The following NOS1 variants were observed in gnomAD, a reference collection of about 807,000 sequenced individuals.
NOS1 encodes nitric oxide synthase 1.
A neutral mutation model predicts 164.5 loss-of-function variants in NOS1; 51 were observed. The observed-to-expected ratio is 0.31, with a 90% confidence interval of 0.25 to 0.39. The LOEUF is 0.39. Among genes scored for constraint, NOS1 ranks in the 10% least tolerant of loss-of-function variants. The pLI is 1.00. For missense variants in NOS1, 1,362 were observed against 1,885.6 expected (o/e 0.72, Z 5.14); for synonymous variants, 719 against 745.8 (o/e 0.96, Z 0.59).
Position 117,330,610 on chromosome 12 carries a change from C to T in NOS1, c.460G>A (p.Gly154Ser), listed in dbSNP as rs755417186. 3 of 1,611,632 alleles carry T rather than the reference C, an allele frequency of 1.9e-6. No homozygotes were observed. The highest frequency in any genetic ancestry group is 2.5e-6 in the Non-Finnish European group (3 of 1,178,628). ...GCATGCTGAGGCCCATTCCCGGGAC[C>T]CGAGGCCCCATCCACTGCCAGGGGC... is the stretch of plus-strand genomic sequence containing the variant. ...EQPLAVDGAS[G>S]PGNGPQHAYD... The change falls in exon 2 of 29, where the codon GGT becomes AGT. Residue 154 changes from glycine (G) to serine (S), a missense_variant. By Grantham distance (56) the Gly-to-Ser change is moderately conservative. Transcript: ENST00000317775. The surrounding 1 kb of genome is among the most constrained non-coding windows in gnomAD (Gnocchi z 4.6).
intron 9 of NOS1, among the ~76,000 whole-genome samples, chr12:117,276,414 C>G (rs1873184075): frequency 1.3e-5 from 2 of 152,180 alleles, no homozygotes; most frequent in African/African-American, 4.8e-5. Flanking sequence ...TCCCAAGTAG[C>G]TGGGATTACA....
chr12:117,226,444 A>G (rs1868681782), intron 24 of NOS1, among the ~76,000 whole-genome samples: 1 of 152,116 alleles, frequency 6.6e-6, no homozygotes, highest in Non-Finnish European at 1.5e-5. Context: ...CTAGCCCAGT[A>G]CACGCCCAAA....
rs1956513090 is a variant in NOS1 at position 117,210,653 on chromosome 12, T to A, written c.*4656A>T. On this transcript the variant is annotated 3_prime_UTR_variant, in exon 29 of 29. Transcript: ENST00000317775. Reference sequence around the variant, plus strand: ...TATTAGGACCATTTGCCCTATGAGCTAGGTCAGGACACCTCTCACTTGTTT... The same window carrying A: ...TATTAGGACCATTTGCCCTATGAGCAAGGTCAGGACACCTCTCACTTGTTT... The A allele has an allele frequency of 1.0e-6, 1 of 985,370 alleles. No individual in the cohort carries two copies. Among genetic ancestry groups the A allele is most frequent in the Admixed American group, 6.1e-5 (1 of 16,266 alleles). The allele number at this position is 985,370 out of a possible 1,614,324, so 61.0% of individuals were successfully genotyped here. A position where few individuals can be genotyped will look rare whatever the true frequency, so the allele number is the denominator to read the frequency against.
At chr12:117,223,185 G>C (rs1192125451) in intron 25 of NOS1, among the ~76,000 whole-genome samples, 1 of 152,000 alleles carries the variant, frequency 6.6e-6, no homozygotes, top group Non-Finnish European at 1.5e-5. Context: ...CTGATGCCCA[G>C]ACTCTGGGCC....
intron 14 of NOS1, among the ~76,000 whole-genome samples, chr12:117,259,865 A>G (rs1456853505): frequency 6.6e-6 from 1 of 152,110 alleles, no homozygotes; most frequent in Non-Finnish European, 1.5e-5. Context: ...CACGCCTGTA[A>G]TCCCAGCACT....
chr12:117,223,040 C>T (rs9658520), intron 25 of NOS1, among the ~76,000 whole-genome samples, 177 bp from the exon 26 acceptor site: 1,777 of 152,262 alleles, frequency 0.012, 31 homozygotes, highest in African/African-American at 0.041. Context: ...CTCACATGCA[C>T]GCACATGCAC....
intron 20 of NOS1, among the ~76,000 whole-genome samples, chr12:117,241,576 A>T (rs559129550): frequency 2.0e-4 from 30 of 151,984 alleles, no homozygotes; most frequent in African/African-American, 6.7e-4. Context: ...ACTTGAAAAG[A>T]TCTTCTGCTG....
chr12:117,285,510 T>C (rs1200679094), intron 6 of NOS1, among the ~76,000 whole-genome samples, 178 bp from the exon 7 acceptor site: 1 of 145,434 alleles, frequency 6.9e-6, no homozygotes, highest in African/African-American at 2.6e-5. Context: ...TCTATCCTAA[T>C]AACCAAGGCC....
At chr12:117,267,015 T>C (rs1367675600) in intron 11 of NOS1, among the ~76,000 whole-genome samples, 1 of 152,166 alleles carries the variant, frequency 6.6e-6, no homozygotes. Flanking sequence ...TTGACATTCC[T>C]CAGTGCACCC....
intron 3 of NOS1, among the ~76,000 whole-genome samples, chr12:117,293,949 T>C (rs1873231033): frequency 6.6e-6 from 1 of 152,188 alleles, no homozygotes; most frequent in African/African-American, 2.4e-5. Context: ...TTCTTTAAGA[T>C]CCTGTCTCCC....
intron 3 of NOS1, among the ~76,000 whole-genome samples, chr12:117,296,901 T>A (rs1373204662): frequency 6.6e-6 from 1 of 152,198 alleles, no homozygotes; most frequent in Admixed American, 6.5e-5. Flanking sequence ...AAGGCAGATG[T>A]CTGCAAGCTG....
intron 2 of NOS1, among the ~76,000 whole-genome samples, chr12:117,315,840 A>C (rs1398743069): frequency 6.6e-6 from 1 of 152,234 alleles, no homozygotes; most frequent in Admixed American, 6.5e-5. Context: ...GGTAAAGCTT[A>C]TAATACTTGG....
chr12:117,322,476 C>A (rs1260815512), intron 2 of NOS1, among the ~76,000 whole-genome samples: 1 of 142,962 alleles, frequency 7.0e-6, no homozygotes, highest in Non-Finnish European at 1.5e-5. Context: ...TTTCTCCCTT[C>A]CCTCCTTCCT....
At chr12:117,287,783 T>G (rs557086557) in intron 5 of NOS1, among the ~76,000 whole-genome samples, 1 of 152,362 alleles carries the variant, frequency 6.6e-6, no homozygotes, top group African/African-American at 2.4e-5. Context: ...ATAAACAATG[T>G]TTCAGTGAAC....
At chr12:117,257,470 C>T (rs962458639) in intron 16 of NOS1, among the ~76,000 whole-genome samples, 22 of 152,252 alleles carry the variant, frequency 1.4e-4, no homozygotes, top group African/African-American at 5.3e-4. Context: ...CCATTACAAA[C>T]ATATTTTTGA....
At chr12:117,284,035 C>G (rs992312775) in intron 7 of NOS1, among the ~76,000 whole-genome samples, 6 of 152,032 alleles carry the variant, frequency 3.9e-5, no homozygotes, top group African/African-American at 1.4e-4. Flanking sequence ...TCATGCAGGC[C>G]CAGGCTTAGA....
At chr12:117,257,607 C>CTTT (rs151304592) in intron 16 of NOS1, among the ~76,000 whole-genome samples, 63 of 99,122 alleles carry the variant, frequency 6.4e-4, no homozygotes, top group East Asian at 9.8e-4. Context: ...TTGATTTTAG[C>CTTT]TTTTTTTTTT....
intron 3 of NOS1, among the ~76,000 whole-genome samples, chr12:117,299,249 A>T (rs1873633339): frequency 6.6e-6 from 1 of 152,230 alleles, no homozygotes; most frequent in Non-Finnish European, 1.5e-5. Context: ...ATAGAACTTA[A>T]CCAAGTGTAT....
chr12:117,255,701 A>G (rs919648147), intron 16 of NOS1, among the ~76,000 whole-genome samples: 8 of 152,178 alleles, frequency 5.3e-5, no homozygotes, highest in East Asian at 1.9e-4. Flanking sequence ...GACCCTGCCA[A>G]TAGGCCACAG....
Sources: allele counts gnomAD v4.1 joint callset (sites outside exome capture counted in the v4.1 genomes callset), GRCh38; gene constraint gnomAD v4.1.1; non-coding constraint Gnocchi (gnomAD v3.1); transcripts MANE v1.5; gene names NCBI Gene and HGNC (gene_info 2026-07-23, HGNC 2026-07-21).